The following YAP1 variants were observed in gnomAD, a reference collection of about 807,000 sequenced individuals.
YAP1 encodes transcriptional coactivator YAP1.
YAP1 carries 5 observed loss-of-function variants against 56.9 expected under a neutral mutation model. The observed-to-expected ratio is 0.09, with a 90% confidence interval of 0.05 to 0.18. YAP1 has a LOEUF of 0.18. Ranked by LOEUF, YAP1 falls within the 10% of genes least tolerant of loss-of-function variation. YAP1 has a pLI of 1.00. For synonymous variants in YAP1, 265 were observed against 248.1 expected (o/e 1.07, Z -0.64); for missense variants, 539 against 651.8 (o/e 0.83, Z 1.88).
Position 102,206,160 on chromosome 11 carries a change from G to A in YAP1, c.984+86G>A, listed in dbSNP as rs998150475. ...GCAGATTTCATTTTAACATTTATTA[G>A]TTACAGAGGAATGTTGTCTTTGTAA... On this transcript the variant is annotated intron_variant, in intron 5 of 8. Transcript: ENST00000282441. The A allele has an allele frequency of 3.4e-6, 5 of 1,473,862 alleles. No individual in the cohort carries two copies. The African/African-American group carries it at 7.0e-5, about 21-fold the overall frequency. 91.3% of individuals were successfully genotyped at this position (1,473,862 alleles called of 1,614,324 possible).
chr11:102,222,254 C>A (rs577444898), intron 6 of YAP1, among the ~76,000 whole-genome samples: 1 of 152,064 alleles, frequency 6.6e-6, no homozygotes, highest in African/African-American at 2.4e-5. Flanking sequence ...AGGCCAGTAT[C>A]CTTTGTGATA....
At position 102,166,071 on chromosome 11, in the gene YAP1, G is replaced by A. The variant is rs1946587398; in HGVS notation, c.688+3500G>A. ...GGGAAGGGAAGAGACTAGCTGATGG[G>A]TCCAAAACCAAAGGCTTTTTAAAAC... On this transcript the variant is annotated intron_variant, in intron 3 of 8. Coordinates refer to ENST00000282441, the MANE Select transcript of YAP1 (RefSeq NM_001130145.3). Among the ~76,000 whole-genome samples the A allele has an allele frequency of 2.0e-5, 3 of 152,178 alleles. No homozygotes were observed. The South Asian group carries it at 6.2e-4, about 31-fold the overall frequency.
intron 2 of YAP1, among the ~76,000 whole-genome samples, chr11:102,114,788 T>C (rs1417804548): frequency 1.3e-5 from 2 of 152,192 alleles, no homozygotes; most frequent in Non-Finnish European, 2.9e-5. Context: ...TGGTGCTACT[T>C]GTATCTTTTT....
chr11:102,177,904 T>TA (rs1311183285), intron 3 of YAP1, among the ~76,000 whole-genome samples: 1 of 151,950 alleles, frequency 6.6e-6, no homozygotes, highest in African/African-American at 2.4e-5. Context: ...AAAAGAGGAT[T>TA]AAAAAAATAT....
intron 2 of YAP1, among the ~76,000 whole-genome samples, chr11:102,120,386 C>G (rs913984369): frequency 6.6e-6 from 1 of 152,202 alleles, no homozygotes; most frequent in Admixed American, 6.5e-5. Flanking sequence ...ACACACCAAC[C>G]AAGTGATAGT....
At chr11:102,217,600 C>T (rs192535203) in intron 6 of YAP1, among the ~76,000 whole-genome samples, 2 of 152,002 alleles carry the variant, frequency 1.3e-5, no homozygotes, top group East Asian at 3.8e-4. Flanking sequence ...CTAGAAAATA[C>T]CGAATAATCT....
Position 102,207,407 on chromosome 11 carries a change from C to T in YAP1, c.984+1333C>T, listed in dbSNP as rs138876118. 3.8e-4 allele frequency among the ~76,000 whole-genome samples: 58 copies of T among 151,980 alleles called. 3 individuals are homozygous for T. In the East Asian group the frequency reaches 0.011, roughly 29 times the overall value. The stretch of plus-strand genomic sequence containing the variant: ...GTATAGACATTTAAAAATCGTCATA[C>T]TCGGCCAGGCATGGTGGCTCATGCC... On this transcript the variant is annotated intron_variant, in intron 5 of 8. Coordinates refer to ENST00000282441, the MANE Select transcript of YAP1 (RefSeq NM_001130145.3).
chr11:102,137,571 A>G (rs527459246), intron 2 of YAP1, among the ~76,000 whole-genome samples: 49 of 152,366 alleles, frequency 3.2e-4, no homozygotes, highest in African/African-American at 1.1e-3. Context: ...GACAACATAT[A>G]TGAAAAATAT....
At chr11:102,223,906 G>A (rs529606071) in intron 7 of YAP1, among the ~76,000 whole-genome samples, 154 bp downstream of exon 7, 38 of 152,344 alleles carry the variant, frequency 2.5e-4, no homozygotes, top group East Asian at 9.6e-4. Context: ...TACATGCAGA[G>A]TTGAGGATTA....
intron 4 of YAP1, among the ~76,000 whole-genome samples, chr11:102,193,733 A>G (rs1016138905): frequency 6.6e-6 from 1 of 152,250 alleles, no homozygotes; most frequent in Non-Finnish European, 1.5e-5. Context: ...AGCAACGTCA[A>G]TTAGATGATA....
At position 102,183,943 on chromosome 11, in the gene YAP1, G is replaced by T. The variant is rs527530284; in HGVS notation, c.689-2075G>T. On this transcript the variant is annotated intron_variant, in intron 3 of 8. Coordinates refer to ENST00000282441, the MANE Select transcript of YAP1 (RefSeq NM_001130145.3). ...TACAAAAAAATTAGCCGGGCGTAGT[G>T]GCGGGCGCCTGTAGTCCCAGCTACT... 4.5e-4 allele frequency among the ~76,000 whole-genome samples: 68 copies of T among 150,930 alleles called. 1 individual carries two copies. In the South Asian group the frequency reaches 5.4e-3, roughly 12 times the overall value.
rs1446814614 is a variant in YAP1, at chr11:102,111,185, C to G, written c.321+16C>G. The G allele has an allele frequency of 6.2e-7, 1 of 1,610,330 alleles. No homozygotes were observed. The highest frequency in any genetic ancestry group is 1.3e-5 in the African/African-American group (1 of 74,734). On this transcript the variant is annotated intron_variant, in intron 1 of 8. Coordinates refer to ENST00000282441, the MANE Select transcript of YAP1 (RefSeq NM_001130145.3). ...CTCCCGACAGGTAACCTCGTTGCCC[C>G]TCTCCCCGTTTCCCCGTCGGGCGGG... is the stretch of plus-strand genomic sequence containing the variant.
intron 4 of YAP1, among the ~76,000 whole-genome samples, chr11:102,203,495 T>G (rs1348969826): frequency 6.6e-6 from 1 of 152,194 alleles, no homozygotes; most frequent in Non-Finnish European, 1.5e-5. Flanking sequence ...AAATACATGT[T>G]AAAATTATGG....
chr11:102,212,075 C>G (rs1486971612), intron 6 of YAP1, among the ~76,000 whole-genome samples: 1 of 152,150 alleles, frequency 6.6e-6, no homozygotes, highest in Non-Finnish European at 1.5e-5. Context: ...CTAGAAAGGA[C>G]TTTTCAGCCC....
intron 2 of YAP1, among the ~76,000 whole-genome samples, chr11:102,115,606 T>TG (rs1227263093): frequency 1.3e-5 from 2 of 151,866 alleles, no homozygotes; most frequent in Non-Finnish European, 2.9e-5. Context: ...CTTCTTTTTT[T>TG]TTAAAAAAAT....
intron 3 of YAP1, among the ~76,000 whole-genome samples, chr11:102,168,570 A>T (rs1396583558): frequency 6.6e-6 from 1 of 152,202 alleles, no homozygotes; most frequent in East Asian, 1.9e-4. Context: ...TTTCTCTATT[A>T]TGAAAAACTG....
intron 2 of YAP1, among the ~76,000 whole-genome samples, chr11:102,135,025 C>G (rs1944593608): frequency 6.6e-6 from 1 of 152,122 alleles, no homozygotes; most frequent in Non-Finnish European, 1.5e-5. Flanking sequence ...ATTAAAGGTG[C>G]ATGCTGGCTA....
At chr11:102,189,443 A>G (rs1277460954) in intron 4 of YAP1, among the ~76,000 whole-genome samples, 1 of 152,212 alleles carries the variant, frequency 6.6e-6, no homozygotes, top group Non-Finnish European at 1.5e-5. Flanking sequence ...TATTGTTACC[A>G]ATCTGTGTTT....
rs561025165 is a variant in YAP1, at chr11:102,162,709, A to G, written c.688+138A>G. 42 of 803,556 alleles carry G rather than the reference A, an allele frequency of 5.2e-5. No individual in the cohort carries two copies. The African/African-American group carries it at 7.0e-4, about 13-fold the overall frequency. 49.8% of individuals were successfully genotyped at this position (803,556 alleles called of 1,614,324 possible). A position where few individuals can be genotyped will look rare whatever the true frequency, so the allele number is the denominator to read the frequency against. ...TTGTCTCTCCAGTTTCATACAGAAGACATAGTCTATTTTAAAATAACGTAA... is the reference window on the plus strand; with the variant it reads ...TTGTCTCTCCAGTTTCATACAGAAGGCATAGTCTATTTTAAAATAACGTAA... On this transcript the variant is annotated intron_variant, in intron 3 of 8. Coordinates refer to ENST00000282441, the MANE Select transcript of YAP1 (RefSeq NM_001130145.3).
Sources: gnomAD v4.1 joint callset for allele counts (sites outside exome capture counted in the v4.1 genomes callset) on GRCh38, gnomAD v4.1.1 for gene constraint, MANE v1.5 for transcripts, NCBI Gene and HGNC (gene_info 2026-07-23, HGNC 2026-07-21) for gene names.